TRIT1: variants seen among roughly 807,000 people sequenced by gnomAD.
The protein encoded by TRIT1 is tRNA isopentenyltransferase 1, also known as tRNA dimethylallyltransferase.
Under a neutral mutation model 51.2 loss-of-function variants are expected in TRIT1, and 43 were observed. The observed-to-expected ratio is 0.84, with a 90% confidence interval of 0.66 to 1.08. The LOEUF is 1.08. Among genes scored for constraint, TRIT1 ranks in the 50% least tolerant of loss-of-function variants. The pLI, the probability that TRIT1 is intolerant of heterozygous loss-of-function variation, is 0.00. For missense variants in TRIT1, 528 were observed against 578.4 expected (o/e 0.91, Z 0.89); for synonymous variants, 184 against 203.9 (o/e 0.90, Z 0.83).
intron 1 of TRIT1, among the ~76,000 whole-genome samples, chr1:39,864,213 A>G (rs1643405134): frequency 6.6e-6 from 1 of 151,924 alleles, no homozygotes; most frequent in Non-Finnish European, 1.5e-5. Flanking sequence ...TCACAACTGC[A>G]GGGCTGGGGG....
Position 39,844,130 on chromosome 1 carries a change from CG to C in TRIT1, c.1204del (p.Arg402GlufsTer13), listed in dbSNP as rs753436440. On this transcript the variant is annotated frameshift_variant, in exon 10 of 11. Transcript: ENST00000316891. LOFTEE classifies it high-confidence loss of function. The part of the protein sequence containing the change: ...RSYHLCDLCD[R>X]IIIGDREWAA... The stretch of plus-strand genomic sequence containing the variant: ...CCATTCGCGATCCCCAATGATGATT[CG>C]ATCACAGAGGTCACACAGGTGATAA... 3.7e-6 allele frequency: 6 copies of C among 1,614,006 alleles called. No homozygotes were observed. The highest frequency in any genetic ancestry group is 5.1e-6 in the Non-Finnish European group (6 of 1,179,920).
intron 1 of TRIT1, chr1:39,862,738 C>T (rs1643322778): frequency 2.0e-6 from 2 of 982,200 alleles, no homozygotes; most frequent in Non-Finnish European, 1.2e-6. Context: ...TTATTACCAG[C>T]CTAGAAAACA....
rs139577558 is a variant in TRIT1, at chr1:39,869,247, C to T, written c.175-11830G>A. ...CCTGCCGAGTGCCTGGGATTGCAGGCGCACGCCGCCACGCCTGACTGGTTT... is the reference window on the plus strand; with the variant it reads ...CCTGCCGAGTGCCTGGGATTGCAGGTGCACGCCGCCACGCCTGACTGGTTT... On this transcript the variant is annotated intron_variant, in intron 1 of 10. Transcript: ENST00000316891. Among the ~76,000 whole-genome samples, 296 of 152,274 alleles carry T rather than the reference C, an allele frequency of 1.9e-3. 2 individuals carry two copies. Among genetic ancestry groups the T allele is most frequent in the Non-Finnish European group, 2.5e-3 (167 of 68,010 alleles).
intron 8 of TRIT1, 131 bp from the exon 9 acceptor site, chr1:39,844,771 T>C (rs1642131116): frequency 1.6e-6 from 1 of 641,624 alleles, no homozygotes; most frequent in South Asian, 1.8e-5. Flanking sequence ...CTGTTAATTC[T>C]AACTAAACAT....
chr1:39,862,437 T>C (rs1174369736), intron 1 of TRIT1, among the ~76,000 whole-genome samples: 2 of 152,216 alleles, frequency 1.3e-5, no homozygotes, highest in South Asian at 2.1e-4. Flanking sequence ...TCTTGTGATA[T>C]TCCGTTTCTT....
chr1:39,871,397 C>T (rs1044718875), intron 1 of TRIT1, among the ~76,000 whole-genome samples: 1 of 152,110 alleles, frequency 6.6e-6, no homozygotes, highest in Non-Finnish European at 1.5e-5. Flanking sequence ...GCCTGGGCAA[C>T]GTGGTGAAAC....
At chr1:39,873,655 A>G (rs919401215) in intron 1 of TRIT1, among the ~76,000 whole-genome samples, 2 of 152,214 alleles carry the variant, frequency 1.3e-5, no homozygotes, top group African/African-American at 4.8e-5. Context: ...GATGTAAGAT[A>G]TTAATATTAG....
In TRIT1 at chr1:39,839,600, G is replaced by T. The variant is rs1285666505; in HGVS notation, c.*2144C>A. 6.6e-5 allele frequency among the ~76,000 whole-genome samples: 10 copies of T among 152,202 alleles called. No homozygotes were observed. Among genetic ancestry groups the T allele is most frequent in the Non-Finnish European group, 1.5e-4 (10 of 68,032 alleles). On this transcript the variant is annotated 3_prime_UTR_variant, in exon 11 of 11. Coordinates refer to ENST00000316891, the MANE Select transcript of TRIT1 (RefSeq NM_017646.6). The stretch of plus-strand genomic sequence containing the variant: ...CAGGCAGATTTCTAGTGAGTGTTCT[G>T]CCTTTCCCAGGCTCTTTGCTGCTGA...
Position 39,838,743 on chromosome 1 carries a change from C to T in TRIT1, c.*3001G>A, listed in dbSNP as rs1328709361. On this transcript the variant is annotated 3_prime_UTR_variant, in exon 11 of 11. Coordinates refer to ENST00000316891, the MANE Select transcript of TRIT1 (RefSeq NM_017646.6). ...CTCAAACTCCTAGGCTTGAGTGATCCTTCTGCCTCAGTTACCCAAAGCGTT... is the reference window on the plus strand; with the variant it reads ...CTCAAACTCCTAGGCTTGAGTGATCTTTCTGCCTCAGTTACCCAAAGCGTT... 1.3e-5 allele frequency among the ~76,000 whole-genome samples: 2 copies of T among 152,188 alleles called. No individual in the cohort carries two copies. Among genetic ancestry groups the T allele is most frequent in the East Asian group, 3.8e-4 (2 of 5,204 alleles).
At chr1:39,848,831 A>C (rs1569990301) in intron 5 of TRIT1, among the ~76,000 whole-genome samples, 1 of 151,466 alleles carries the variant, frequency 6.6e-6, no homozygotes, top group East Asian at 1.9e-4. Context: ...TCAAACAAAA[A>C]AAAAAGACAT....
intron 1 of TRIT1, among the ~76,000 whole-genome samples, chr1:39,864,707 T>C (rs960977990): frequency 1.3e-5 from 2 of 152,152 alleles, no homozygotes; most frequent in Non-Finnish European, 2.9e-5. Flanking sequence ...CCCAGTTTTT[T>C]ACGTGTACAG....
At chr1:39,874,028 A>G (rs1030903236) in intron 1 of TRIT1, among the ~76,000 whole-genome samples, 1 of 152,152 alleles carries the variant, frequency 6.6e-6, no homozygotes, top group Non-Finnish European at 1.5e-5. Flanking sequence ...AAAAATAAAA[A>G]TAAAAATAAA....
intron 1 of TRIT1, among the ~76,000 whole-genome samples, chr1:39,864,395 G>A (rs570688114): frequency 6.6e-6 from 1 of 151,446 alleles, no homozygotes; most frequent in African/African-American, 2.4e-5. Context: ...GGATCACGAG[G>A]TCAGGAGATC....
intron 1 of TRIT1, among the ~76,000 whole-genome samples, chr1:39,863,598 T>C (rs757668985): frequency 6.6e-6 from 1 of 151,802 alleles, no homozygotes; most frequent in Non-Finnish European, 1.5e-5. Context: ...TAGAAAAATA[T>C]ACCACTTTGT....
Position 39,852,816 on chromosome 1 carries a change from C to A in TRIT1, c.475G>T (p.Gly159Cys). ...DRKVELEKED[G>C]LVLHKRLSQV... is the part of the protein sequence containing the mutation. Reference sequence around the variant, plus strand: ...CTTAGGCGTTTGTGAAGTACAAGACCATCCTCCTTTTCAAGCTCCACTTTT... The same window carrying A: ...CTTAGGCGTTTGTGAAGTACAAGACAATCCTCCTTTTCAAGCTCCACTTTT... The change falls in exon 4 of 11, where the codon GGT becomes TGT. Residue 159 changes from glycine to cysteine, a missense_variant. Physicochemically the swap from Gly to Cys is radical, Grantham distance 159. Coordinates refer to ENST00000316891, the MANE Select transcript of TRIT1 (RefSeq NM_017646.6). 1.2e-6 allele frequency: 2 copies of A among 1,614,158 alleles called. No individual in the cohort carries two copies. The highest frequency in any genetic ancestry group is 2.7e-5 in the African/African-American group (2 of 75,054).
At chr1:39,844,022 C>T (rs1360434078) in intron 10 of TRIT1, 79 bp downstream of exon 10, 3 of 968,754 alleles carry the variant, frequency 3.1e-6, no homozygotes, top group Non-Finnish European at 4.8e-6. Context: ...CAGGTTCAAT[C>T]TGCCAAAGAC....
At chr1:39,876,909 C>T (rs1644077024) in intron 1 of TRIT1, among the ~76,000 whole-genome samples, 1 of 137,376 alleles carries the variant, frequency 7.3e-6, no homozygotes, top group South Asian at 2.3e-4. Flanking sequence ...GCCTGGGTGA[C>T]ACAGCAAGAC....
At chr1:39,874,860 G>A (rs566959895) in intron 1 of TRIT1, among the ~76,000 whole-genome samples, 3 of 151,604 alleles carry the variant, frequency 2.0e-5, no homozygotes, top group African/African-American at 7.3e-5. Context: ...TGGAGATAGG[G>A]TTTCTCCATG....
chr1:39,852,664 C>A (rs1251345155), intron 4 of TRIT1, 67 bp downstream of exon 4: 1 of 1,555,446 alleles, frequency 6.4e-7, no homozygotes, highest in South Asian at 1.2e-5. Flanking sequence ...ATCATCTGGG[C>A]AAACTGAAGA....
Sources: allele counts gnomAD v4.1 joint callset (sites outside exome capture counted in the v4.1 genomes callset), GRCh38; gene constraint gnomAD v4.1.1; transcripts MANE v1.5; gene names NCBI Gene and HGNC (gene_info 2026-07-23, HGNC 2026-07-21).